WWOX: variants seen among roughly 807,000 people sequenced by gnomAD.
WWOX encodes the protein WW domain containing oxidoreductase.
A neutral mutation model predicts 46.2 loss-of-function variants in WWOX; 69 were observed. The observed-to-expected ratio is 1.49, with a 90% CI of 1.23 to 1.82. The LOEUF (loss-of-function observed/expected upper bound fraction) is 1.82. WWOX is among the 40% of genes most tolerant of loss of function. WWOX has a pLI of 0.00. For missense variants in WWOX, 919 were observed against 542.6 expected, an observed-to-expected ratio of 1.69 and a Z score of -6.89; for synonymous variants, 359 against 202.6, an observed-to-expected ratio of 1.77 and a Z score of -6.56.
At chr16:78,327,632 A>C (rs2080656181) in intron 5 of WWOX, among the ~76,000 whole-genome samples, 1 of 152,110 alleles carries the variant, frequency 6.6e-6, no homozygotes, top group Non-Finnish European at 1.5e-5. Flanking sequence ...GAGATTCCAC[A>C]ATCTTCTATT....
At chr16:78,467,494 C>T (rs2084108918) in intron 8 of WWOX, among the ~76,000 whole-genome samples, 1 of 152,086 alleles carries the variant, frequency 6.6e-6, no homozygotes, top group Non-Finnish European at 1.5e-5. Context: ...TTTCATTGTT[C>T]TTTTATTGTT....
chr16:78,797,550 G>C (rs552313768), intron 8 of WWOX, among the ~76,000 whole-genome samples: 2 of 152,092 alleles, frequency 1.3e-5, no homozygotes, highest in Admixed American at 1.3e-4. Context: ...TCCAACTCCA[G>C]TCTGGCTGCT....
At chr16:78,554,715 T>G (rs2044248366) in intron 8 of WWOX, among the ~76,000 whole-genome samples, 1 of 152,128 alleles carries the variant, frequency 6.6e-6, no homozygotes, top group Non-Finnish European at 1.5e-5. Flanking sequence ...TAAGGCAGCC[T>G]TCCATTCAGG....
At chr16:78,348,870 G>T (rs2081138322) in intron 5 of WWOX, among the ~76,000 whole-genome samples, 1 of 119,378 alleles carries the variant, frequency 8.4e-6, no homozygotes, top group Non-Finnish European at 2.0e-5. Flanking sequence ...GTGAGTTTTT[G>T]TGGTGGTGAT....
chr16:78,605,613 C>A (rs2045737789), intron 8 of WWOX, among the ~76,000 whole-genome samples: 1 of 152,120 alleles, frequency 6.6e-6, no homozygotes, highest in Non-Finnish European at 1.5e-5. Context: ...AATTAACAAC[C>A]CAAATGTTAA....
chr16:78,757,530 G>A (rs9930848), intron 8 of WWOX, among the ~76,000 whole-genome samples: 2,541 of 152,130 alleles, frequency 0.017, 71 homozygotes, highest in African/African-American at 0.049. Context: ...CAGGTAGTTG[G>A]GGTTTCACCA....
At chr16:79,014,446 A>G (rs575968990) in intron 8 of WWOX, among the ~76,000 whole-genome samples, 1 of 152,102 alleles carries the variant, frequency 6.6e-6, no homozygotes, top group South Asian at 2.1e-4. Context: ...TCGTCCCTCA[A>G]TTTTCCGTGG....
At chr16:78,507,323 A>G (rs1160970475) in intron 8 of WWOX, among the ~76,000 whole-genome samples, 2 of 152,250 alleles carry the variant, frequency 1.3e-5, no homozygotes, top group African/African-American at 4.8e-5. Flanking sequence ...TGCCTAGGAA[A>G]CATCAATGCT....
At chr16:78,742,092 C>G (rs1232904687) in intron 8 of WWOX, among the ~76,000 whole-genome samples, 2 of 152,148 alleles carry the variant, frequency 1.3e-5, no homozygotes, top group Non-Finnish European at 2.9e-5. Flanking sequence ...AACATAGTAG[C>G]CCCTATTTAC....
At chr16:78,878,901 G>A (rs1439360911) in intron 8 of WWOX, among the ~76,000 whole-genome samples, 324 of 86,760 alleles carry the variant, frequency 3.7e-3, no homozygotes, top group African/African-American at 8.1e-3. Flanking sequence ...ACAAAAAAAT[G>A]AAAAAAAAAA....
intron 8 of WWOX, among the ~76,000 whole-genome samples, chr16:78,964,416 A>C (rs138037738): frequency 6.6e-6 from 1 of 152,244 alleles, no homozygotes; most frequent in African/African-American, 2.4e-5. Flanking sequence ...AGAGACTGGC[A>C]GCATTTTGCC....
chr16:78,795,334 C>G (rs1393031142), intron 8 of WWOX, among the ~76,000 whole-genome samples: 1 of 152,062 alleles, frequency 6.6e-6, no homozygotes, highest in Non-Finnish European at 1.5e-5. Context: ...CAGTCCAACC[C>G]CCTGAAAGCT....
chr16:79,108,457 G>C (rs965631679), intron 8 of WWOX, among the ~76,000 whole-genome samples: 73 of 152,230 alleles, frequency 4.8e-4, no homozygotes, highest in Admixed American at 2.6e-4. Flanking sequence ...GGGAGCGAAA[G>C]ATTGCAAGGT....
At chr16:78,246,850 A>G (rs954934420) in intron 5 of WWOX, among the ~76,000 whole-genome samples, 1 of 151,748 alleles carries the variant, frequency 6.6e-6, no homozygotes, top group African/African-American at 2.4e-5. Context: ...GATGAGGGGT[A>G]TTTATTATCT....
intron 8 of WWOX, among the ~76,000 whole-genome samples, chr16:78,953,115 A>G (rs1275799605): frequency 6.6e-6 from 1 of 151,926 alleles, no homozygotes; most frequent in East Asian, 1.9e-4. Context: ...TTCAATCATC[A>G]GTGACCACTC....
chr16:78,525,430 C>T (rs2043441598), intron 8 of WWOX: 1 of 152,110 alleles, frequency 6.6e-6, no homozygotes, highest in African/African-American at 2.4e-5. Context: ...CGTGATCCAC[C>T]AGCCTTGGCC....
intron 8 of WWOX, among the ~76,000 whole-genome samples, chr16:78,667,922 C>T (rs561937940): frequency 6.6e-6 from 1 of 152,070 alleles, no homozygotes; most frequent in African/African-American, 2.4e-5. Flanking sequence ...GCCCTCTGCC[C>T]CGTCACATCA....
chr16:78,665,574 C>T (rs1007618106), intron 8 of WWOX, among the ~76,000 whole-genome samples: 1 of 152,054 alleles, frequency 6.6e-6, no homozygotes, highest in African/African-American at 2.4e-5. Flanking sequence ...TTCCCTCTAC[C>T]ACGCTGACTG....
chr16:78,280,461 T>A (rs2079656295), intron 5 of WWOX, among the ~76,000 whole-genome samples: 1 of 152,244 alleles, frequency 6.6e-6, no homozygotes, highest in South Asian at 2.1e-4. Context: ...ATTAGGCTGT[T>A]CTTGCACTGC....
Sources: gnomAD v4.1 joint callset for allele counts (sites outside exome capture counted in the v4.1 genomes callset) on GRCh38, gnomAD v4.1.1 for gene constraint, MANE v1.5 for transcripts, NCBI Gene and HGNC (gene_info 2026-07-23, HGNC 2026-07-21) for gene names.